The following ITGB3BP variants were observed in gnomAD, a reference collection of about 807,000 sequenced individuals.
ITGB3BP encodes integrin subunit beta 3 binding protein.
In ITGB3BP, 27 loss-of-function variants were observed where a neutral mutation model predicts 29.1. The ratio of observed to expected loss-of-function variants is 0.93; its 90% confidence interval spans 0.68 to 1.28. ITGB3BP has a LOEUF of 1.28. Among genes scored for constraint, ITGB3BP ranks in the 50% most tolerant of loss-of-function variants. The pLI is 0.00. For missense variants in ITGB3BP, 192 were observed against 200.2 expected (o/e 0.96, Z 0.25); for synonymous variants, 61 against 61.4 (o/e 0.99, Z 0.03).
chr1:63,481,196 A>G (rs1435339094), intron 3 of ITGB3BP, among the ~76,000 whole-genome samples: 1 of 152,150 alleles, frequency 6.6e-6, no homozygotes, highest in African/African-American at 2.4e-5. Flanking sequence ...GCCTTTCTAA[A>G]TATTTTTATT....
chr1:63,468,796 G>A (rs1390504199), intron 4 of ITGB3BP, among the ~76,000 whole-genome samples: 1 of 152,020 alleles, frequency 6.6e-6, no homozygotes, highest in African/African-American at 2.4e-5. Flanking sequence ...AGGAGGTGGT[G>A]GTTGCAGTGA....
At chr1:63,484,448 T>C (rs1055002319) in intron 3 of ITGB3BP, among the ~76,000 whole-genome samples, 5 of 152,108 alleles carry the variant, frequency 3.3e-5, no homozygotes, top group African/African-American at 1.2e-4. Context: ...TGACATGTTT[T>C]CATTATCATT....
rs113681381 is a variant in ITGB3BP, at chr1:63,477,244, T to A, written c.254+1520A>T. 5.8e-3 allele frequency among the ~76,000 whole-genome samples: 888 copies of A among 152,320 alleles called. 6 individuals carry two copies. The highest frequency in any genetic ancestry group is 9.5e-3 in the Non-Finnish European group (646 of 68,026). On this transcript the variant is annotated intron_variant, in intron 4 of 8. Transcript: ENST00000271002. ...TTAATCTGGACTACTACCAAAACTA[T>A]ATAGTTCAGCTATATTATGAAATAA...
intron 7 of ITGB3BP, chr1:63,449,696 G>A (rs1644836544): frequency 6.5e-6 from 1 of 154,478 alleles, no homozygotes. Context: ...AAAATTAATG[G>A]CTTCATTTTT....
chr1:63,490,623 A>G (rs983025283), intron 2 of ITGB3BP, among the ~76,000 whole-genome samples: 4 of 152,152 alleles, frequency 2.6e-5, no homozygotes, highest in African/African-American at 9.6e-5. Flanking sequence ...AAACCTTAGG[A>G]AGGATCACTG....
intron 4 of ITGB3BP, among the ~76,000 whole-genome samples, chr1:63,456,309 A>G (rs1224871880): frequency 6.6e-6 from 1 of 152,192 alleles, no homozygotes; most frequent in Non-Finnish European, 1.5e-5. Context: ...GCTAAAAATT[A>G]TGAGGACAGT....
At chr1:63,458,694 C>T (rs759327666) in intron 4 of ITGB3BP, among the ~76,000 whole-genome samples, 2 of 152,102 alleles carry the variant, frequency 1.3e-5, no homozygotes, top group Admixed American at 6.6e-5. Context: ...ACATAGGTCT[C>T]CCTTACCATA....
chr1:63,447,133 GTTACTAAAATGA>G, intron 7 of ITGB3BP: 1 of 364,408 alleles, frequency 2.7e-6, no homozygotes, highest in South Asian at 3.7e-5. Flanking sequence ...ACTCTTTATG[GTTACTAAAATGA>G]CTGTCATTTG....
chr1:63,444,781 G>A (rs3004315), intron 8 of ITGB3BP, among the ~76,000 whole-genome samples: 91,726 of 151,404 alleles, frequency 0.61, 29,534 homozygotes, highest in African/African-American at 0.82. Context: ...ACTACTGGGT[G>A]GTGGCAAGAG....
chr1:63,506,780 C>G lies in ITGB3BP; in HGVS notation c.48+1748G>C, dbSNP rs61406064. Among the ~76,000 whole-genome samples, 489 of 152,288 alleles carry G rather than the reference C, an allele frequency of 3.2e-3. 2 individuals carry two copies. The highest frequency in any genetic ancestry group is 0.011 in the African/African-American group (472 of 41,568). Reference sequence around the variant, plus strand: ...TCTTTCCCTTAGAAACCAGAGCCTTCCCCCTTCAGCAACATATTGGTAAGG... The same window carrying G: ...TCTTTCCCTTAGAAACCAGAGCCTTGCCCCTTCAGCAACATATTGGTAAGG... On this transcript the variant is annotated intron_variant, in intron 2 of 8. Transcript: ENST00000271002.
chr1:63,515,840 A>AG (rs1300032305), intron 1 of ITGB3BP, among the ~76,000 whole-genome samples: 1 of 150,124 alleles, frequency 6.7e-6, no homozygotes, highest in Non-Finnish European at 1.5e-5. Flanking sequence ...AAAAAAAAAA[A>AG]AAAAAAAAAA....
intron 3 of ITGB3BP, among the ~76,000 whole-genome samples, chr1:63,479,503 T>C (rs779505855): frequency 7.9e-5 from 12 of 152,108 alleles, no homozygotes; most frequent in Non-Finnish European, 1.8e-4. Context: ...ATATAATATG[T>C]TGTTATTAAT....
At chr1:63,498,285 C>T (rs949539057) in intron 2 of ITGB3BP, among the ~76,000 whole-genome samples, 4 of 152,044 alleles carry the variant, frequency 2.6e-5, no homozygotes, top group African/African-American at 9.7e-5. Flanking sequence ...AAACATTTGG[C>T]AGGATAACAA....
At chr1:63,496,954 C>T (rs1342009294) in intron 2 of ITGB3BP, among the ~76,000 whole-genome samples, 2 of 152,186 alleles carry the variant, frequency 1.3e-5, no homozygotes, top group Non-Finnish European at 2.9e-5. Flanking sequence ...AGTCTCTAAT[C>T]CTAGAGTACT....
intron 4 of ITGB3BP, chr1:63,458,385 A>T (rs1644965625): frequency 6.6e-6 from 1 of 152,112 alleles, no homozygotes; most frequent in Admixed American, 6.6e-5. Flanking sequence ...TAAAAGAACA[A>T]AGAGAAATTG....
At chr1:63,491,601 T>C (rs1403706446) in intron 2 of ITGB3BP, among the ~76,000 whole-genome samples, 6 of 152,170 alleles carry the variant, frequency 3.9e-5, no homozygotes, top group African/African-American at 4.8e-5. Flanking sequence ...AAGAGACCTA[T>C]GGAAGAAATA....
At chr1:63,443,852 T>C (rs572933510) in intron 8 of ITGB3BP, among the ~76,000 whole-genome samples, 233 of 149,646 alleles carry the variant, frequency 1.6e-3, no homozygotes, top group African/African-American at 5.6e-3. Context: ...AAAAACATCT[T>C]TGGAGGGGAA....
intron 2 of ITGB3BP, among the ~76,000 whole-genome samples, chr1:63,495,021 T>C (rs1168292562): frequency 6.6e-6 from 1 of 152,152 alleles, no homozygotes; most frequent in Admixed American, 6.5e-5. Context: ...TGCCCAAGCT[T>C]GTCCCAAATT....
intron 2 of ITGB3BP, among the ~76,000 whole-genome samples, chr1:63,500,948 AAC>A (rs1645913026): frequency 6.6e-6 from 1 of 152,226 alleles, no homozygotes. Context: ...TAGTGGCATA[AAC>A]ACATATATAT....
Sources: allele counts gnomAD v4.1 joint callset (sites outside exome capture counted in the v4.1 genomes callset), GRCh38; gene constraint gnomAD v4.1.1; transcripts MANE v1.5; gene names NCBI Gene and HGNC (gene_info 2026-07-23, HGNC 2026-07-21).